The following NLRP11 variants were observed in gnomAD, a reference collection of about 807,000 sequenced individuals.
The protein encoded by NLRP11 is NLR family pyrin domain containing 11.
A neutral mutation model predicts 79.3 loss-of-function variants in NLRP11; 53 were observed. That is an observed-to-expected ratio of 0.67 (90% CI 0.54 to 0.84). The LOEUF (loss-of-function observed/expected upper bound fraction) is 0.84. Ranked by LOEUF, NLRP11 falls within the 40% of genes least tolerant of loss-of-function variation. The pLI is 0.00. For missense variants in NLRP11, 1,264 were observed against 1,255.0 expected, an observed-to-expected ratio of 1.01 and a Z score of -0.11; for synonymous variants, 518 against 462.6, an observed-to-expected ratio of 1.12 and a Z score of -1.54.
chr19:55,810,855 C>A (rs974695572), intron 2 of NLRP11, among the ~76,000 whole-genome samples: 1 of 152,158 alleles, frequency 6.6e-6, no homozygotes, highest in African/African-American at 2.4e-5. Context: ...ACAGTGGAGT[C>A]GACAGATCTG....
chr19:55,808,888 T>C, exon 3 of NLRP11: 8 of 1,614,186 alleles, frequency 5.0e-6, no homozygotes, highest in South Asian at 2.2e-5. Context: ...TATCCTTGTC[T>C]GATTGAAGGT....
chr19:55,789,274 A>G, exon 8 of NLRP11: 1 of 1,614,156 alleles, frequency 6.2e-7, no homozygotes. Flanking sequence ...ACCACCACAT[A>G]GCAGCTGCAT....
intron 2 of NLRP11, among the ~76,000 whole-genome samples, chr19:55,816,436 C>T (rs1266689721): frequency 6.6e-6 from 1 of 152,206 alleles, no homozygotes; most frequent in Non-Finnish European, 1.5e-5. Flanking sequence ...TAGACTTCAA[C>T]ATCCCATTTT....
At chr19:55,797,592 A>G (rs1979052792) in intron 5 of NLRP11, among the ~76,000 whole-genome samples, 1 of 152,210 alleles carries the variant, frequency 6.6e-6, no homozygotes, top group South Asian at 2.1e-4. Context: ...AAAGTAAATC[A>G]GAGTAGGTCA....
chr19:55,796,032 C>CA lies in NLRP11; in HGVS notation c.2342+47dup, dbSNP rs763440423. 6.7e-5 allele frequency: 102 copies of CA among 1,521,868 alleles called. No homozygotes were observed. The African/African-American group carries it at 1.0e-3, about 15-fold the overall frequency. 94.3% of individuals were successfully genotyped at this position (1,521,868 alleles called of 1,614,324 possible). On this transcript the variant is annotated intron_variant, in intron 6 of 9. Transcript: ENST00000589093. ...CTCTTTGATCATGTGCTTAGATATT[C>CA]AAGTCAGTCTGAGCTTCTACGTGGT... is the stretch of plus-strand genomic sequence containing the variant.
chr19:55,789,810 C>T (rs1215474582), intron 7 of NLRP11, among the ~76,000 whole-genome samples: 2 of 152,202 alleles, frequency 1.3e-5, no homozygotes, highest in Admixed American at 6.5e-5. Context: ...TCGAGAAGGG[C>T]TAAATACATT....
At chr19:55,804,110 G>A (rs73058167) in intron 4 of NLRP11, among the ~76,000 whole-genome samples, 2,050 of 112,882 alleles carry the variant, frequency 0.018, 19 homozygotes, top group African/African-American at 0.037. Flanking sequence ...ATATATATAT[G>A]TGTGTGTGTG....
intron 4 of NLRP11, among the ~76,000 whole-genome samples, chr19:55,802,518 C>T (rs1424413658): frequency 3.3e-5 from 5 of 152,100 alleles, no homozygotes; most frequent in Non-Finnish European, 5.9e-5. Context: ...TCAGATGACA[C>T]AAACAAATGG....
chr19:55,809,587 T>TAA lies in NLRP11; in HGVS notation c.1021_1022dup (p.Leu341PhefsTer10). On this transcript the variant is annotated frameshift_variant, in exon 3 of 10. Transcript: ENST00000589093. LOFTEE classifies it high-confidence loss of function. The surrounding 1 kb of genome is among the most constrained non-coding windows in gnomAD (Gnocchi z 4.5). The stretch of plus-strand genomic sequence containing the variant: ...TCAGGACAGTACACGTGATCCAGCA[T>TAA]AAGATGGCGACTCGGCACAGACCCA... 1 of 1,614,206 alleles carries TAA rather than the reference T, an allele frequency of 6.2e-7. No homozygotes were observed. Among genetic ancestry groups the TAA allele is most frequent in the Non-Finnish European group, 8.5e-7 (1 of 1,180,030 alleles).
intron 5 of NLRP11, among the ~76,000 whole-genome samples, chr19:55,796,750 G>A (rs1040921371): frequency 3.3e-5 from 5 of 151,170 alleles, no homozygotes; most frequent in South Asian, 2.1e-4. Context: ...GCAATGGTGC[G>A]ATCTCGGCTC....
At chr19:55,827,712 T>A (rs1982367051) in intron 1 of NLRP11, among the ~76,000 whole-genome samples, 1 of 151,486 alleles carries the variant, frequency 6.6e-6, no homozygotes, top group African/African-American at 2.4e-5. Context: ...AAAACCACAA[T>A]GAGATACCAT....
At position 55,815,528 on chromosome 19, in the gene NLRP11, CAA is replaced by C. The variant is rs11343133; in HGVS notation, c.271+2374_271+2375del. ...TGGACAATGGAACAAGACTCCATCT[CAA>C]AAAAAAAAAAAAAAAGAATTTAGCA... On this transcript the variant is annotated intron_variant, in intron 2 of 9. Coordinates refer to ENST00000589093, the Ensembl canonical transcript of NLRP11. Among the ~76,000 whole-genome samples, 727 of 92,782 alleles carry C rather than the reference CAA, an allele frequency of 7.8e-3. 7 individuals carry two copies. Among genetic ancestry groups the C allele is most frequent in the African/African-American group, 0.023 (632 of 28,038 alleles). The allele number at this position is 92,782 out of a possible 152,430, so 60.9% of individuals were successfully genotyped here. A position where few individuals can be genotyped will look rare whatever the true frequency, so the allele number is the denominator to read the frequency against.
chr19:55,796,012 T>G, intron 6 of NLRP11, 68 bp downstream of exon 6: 1 of 1,408,492 alleles, frequency 7.1e-7, no homozygotes, highest in South Asian at 1.3e-5. Context: ...CACTGCTCTT[T>G]GATCATGTGC....
At chr19:55,817,820 GA>G (rs10632108) in intron 2 of NLRP11, 83 bp downstream of exon 2, 194,088 of 814,178 alleles carry the variant, frequency 0.24, 1,706 homozygotes, top group Admixed American at 0.32. Context: ...AACCTATTTA[GA>G]AAAAAAAAAA....
intron 1 of NLRP11, among the ~76,000 whole-genome samples, chr19:55,820,791 A>G (rs932290296): frequency 1.1e-4 from 16 of 152,236 alleles, no homozygotes; most frequent in Non-Finnish European, 2.1e-4. Context: ...TTTATAATAT[A>G]CTATTGAGAT....
At chr19:55,833,460 T>C (rs140925418), upstream of NLRP11, among the ~76,000 whole-genome samples, 2 of 152,026 alleles carry the variant, frequency 1.3e-5, no homozygotes, top group Non-Finnish European at 2.9e-5. Flanking sequence ...ATTTAAAAAC[T>C]ATGGTAATTA....
At chr19:55,829,889 A>G (rs1010458900) in intron 1 of NLRP11, among the ~76,000 whole-genome samples, 8 of 152,144 alleles carry the variant, frequency 5.3e-5, no homozygotes, top group Non-Finnish European at 1.2e-4. Flanking sequence ...ATAGCCTACT[A>G]TTGACCAGAA....
intron 2 of NLRP11, among the ~76,000 whole-genome samples, chr19:55,816,828 A>G (rs528884868): frequency 7.2e-5 from 11 of 152,354 alleles, no homozygotes; most frequent in African/African-American, 2.4e-4. Flanking sequence ...GCTGGTTTGC[A>G]TAATAACAGA....
Position 55,809,482 on chromosome 19 carries a change from A to T in NLRP11, c.1128T>A (p.Asp376Glu). 6.2e-7 allele frequency: 1 copy of T among 1,614,166 alleles called. No individual in the cohort carries two copies. Among genetic ancestry groups the T allele is most frequent in the Non-Finnish European group, 8.5e-7 (1 of 1,180,036 alleles). Residue 376 changes from aspartate (D) to glutamate (E), a missense_variant, in exon 3 of 10, where the codon GAT (aspartate) becomes GAA (glutamate). Coordinates refer to ENST00000589093, the Ensembl canonical transcript of NLRP11. The surrounding 1 kb of genome is among the most constrained non-coding windows in gnomAD (Gnocchi z 4.5). The stretch of plus-strand genomic sequence containing the variant: ...TAAGTCCAGCCTCTGATGTCAACGC[A>T]TCAGCAAGAAAGTGGGCATGTAGAT...
Sources: gnomAD v4.1 joint callset for allele counts (sites outside exome capture counted in the v4.1 genomes callset) on GRCh38, gnomAD v4.1.1 for gene constraint, Gnocchi (gnomAD v3.1) non-coding constraint, MANE v1.5 for transcripts, NCBI Gene and HGNC (gene_info 2026-07-23, HGNC 2026-07-21) for gene names.